CDH23: variants seen among roughly 807,000 people sequenced by gnomAD.
CDH23 encodes cadherin-23.
CDH23 carries 189 observed loss-of-function variants against 317.1 expected under a neutral mutation model. The ratio of observed to expected loss-of-function variants is 0.60; its 90% CI spans 0.53 to 0.67. CDH23 has a LOEUF of 0.67. CDH23 is among the 30% of genes least tolerant of loss of function. The pLI is 0.00. For missense variants in CDH23, 4,401 were observed against 4,592.4 expected (o/e 0.96, Z 1.20); for synonymous variants, 1,839 against 1,876.8 (o/e 0.98, Z 0.52).
rs572327882 is a variant in CDH23 at position 71,815,464 on chromosome 10, T to C, written c.*186T>C. 9.9e-5 allele frequency: 52 copies of C among 525,408 alleles called. No homozygotes were observed. In the South Asian group the frequency reaches 1.7e-3, roughly 17 times the overall value. The allele number at this position is 525,408 out of a possible 1,614,324, so 32.5% of individuals were successfully genotyped here. ...ACTTTTGCCAGACGCTCATTCAGCA[T>C]CTGACCTCTACCTTCATAAGATCTG... On this transcript the variant is annotated 3_prime_UTR_variant, in exon 70 of 70. Transcript: ENST00000224721.
At position 71,567,300 on chromosome 10, in the gene CDH23, T is replaced by A. The variant is rs1463437055; in HGVS notation, c.624+364T>A. Among the ~76,000 whole-genome samples, 4 of 152,338 alleles carry A rather than the reference T, an allele frequency of 2.6e-5. No individual in the cohort carries two copies. In the East Asian group the frequency reaches 7.7e-4, roughly 29 times the overall value. On this transcript the variant is annotated intron_variant, in intron 7 of 69. Coordinates refer to ENST00000224721, the MANE Select transcript of CDH23 (RefSeq NM_022124.6). The stretch of plus-strand genomic sequence containing the variant: ...TCGGGTAACTTCCTTGAGACATTCT[T>A]AGTGCAGAGTGCCTCTTGCTCTCTG...
chr10:71,449,249 G>A (rs1206315069), intron 3 of CDH23, among the ~76,000 whole-genome samples: 1 of 152,190 alleles, frequency 6.6e-6, no homozygotes, highest in Non-Finnish European at 1.5e-5. Flanking sequence ...AGTGGCAAGA[G>A]GCAGAGCCCA....
At chr10:71,411,133 T>C (rs1848327864) in intron 1 of CDH23, among the ~76,000 whole-genome samples, 1 of 152,222 alleles carries the variant, frequency 6.6e-6, no homozygotes, top group Non-Finnish European at 1.5e-5. Context: ...CATTTACATA[T>C]ACATTTTAGA....
chr10:71,456,538 G>C (rs531254692), intron 3 of CDH23, among the ~76,000 whole-genome samples: 1 of 152,078 alleles, frequency 6.6e-6, no homozygotes, highest in African/African-American at 2.4e-5. Flanking sequence ...TGTGGGTATG[G>C]GGCGGGGCTG....
In CDH23 at chr10:71,807,312, T is replaced by C; in HGVS notation, c.8214T>C (p.Pro2738=). Residue 2738 remains proline (P), a synonymous_variant, in exon 58 of 70, where the codon CCT becomes CCC. Coordinates refer to ENST00000224721, the MANE Select transcript of CDH23 (RefSeq NM_022124.6). ...GSPQYQLLTV[P]EHSPRGTLVG... is the part of the protein sequence containing the mutation. ...CCCAGTACCAGCTGCTGACAGTGCC[T>C]GAGCACTCACCACGCGGCACCCTCG... 3 of 1,613,910 alleles carry C rather than the reference T, an allele frequency of 1.9e-6. No individual in the cohort carries two copies. Among genetic ancestry groups the C allele is most frequent in the Admixed American group, 3.3e-5 (2 of 60,014 alleles).
intron 3 of CDH23, among the ~76,000 whole-genome samples, chr10:71,504,381 T>C (rs1383387607): frequency 1.3e-5 from 2 of 152,226 alleles, no homozygotes; most frequent in Non-Finnish European, 2.9e-5. Context: ...GTAGCATGTG[T>C]CAGAATTTCC....
intron 11 of CDH23, among the ~76,000 whole-genome samples, chr10:71,625,421 A>C (rs4746088): frequency 0.21 from 19,510 of 91,310 alleles, 3,206 homozygotes; most frequent in East Asian, 0.5. Flanking sequence ...AAAAAAAAAA[A>C]AAATGACAAG....
At chr10:71,777,989 C>A in intron 39 of CDH23, 88 bp downstream of exon 39, 1 of 1,495,942 alleles carries the variant, frequency 6.7e-7, no homozygotes, top group Non-Finnish European at 9.2e-7. Flanking sequence ...GGGGATGGAG[C>A]AAAGATGCAG....
In CDH23 at chr10:71,739,676, G is replaced by A. The variant is rs770421619; in HGVS notation, c.4392G>A (p.Ala1464=). 1.4e-5 allele frequency: 23 copies of A among 1,612,942 alleles called. No homozygotes were observed. Among genetic ancestry groups the A allele is most frequent in the African/African-American group, 6.7e-5 (5 of 74,880 alleles). Residue 1464 remains alanine, a synonymous_variant, in exon 36 of 70, where the codon GCG becomes GCA. Transcript: ENST00000224721. Reference sequence around the variant, plus strand: ...TCTCCCTGGCCTCTGGCAACATCGCGGGGGCCTTTGAGATCGTCACCACCA... The same window carrying A: ...TCTCCCTGGCCTCTGGCAACATCGCAGGGGCCTTTGAGATCGTCACCACCA... ...VVFSLASGNI[A]GAFEIVTTND...
intron 14 of CDH23, among the ~76,000 whole-genome samples, chr10:71,648,575 GGGA>G (rs1304607096): frequency 3.9e-5 from 6 of 152,202 alleles, no homozygotes; most frequent in African/African-American, 1.2e-4. Context: ...CTATAGAGCC[GGGA>G]GGAGATGTGA....
chr10:71,738,914 A>T (rs949679480), intron 35 of CDH23, among the ~76,000 whole-genome samples: 5 of 152,228 alleles, frequency 3.3e-5, no homozygotes, highest in Non-Finnish European at 5.9e-5. Flanking sequence ...TTTTCCGGGT[A>T]ACTCCTTCCC....
chr10:71,755,291 G>T, intron 38 of CDH23: 1 of 1,397,346 alleles, frequency 7.2e-7, no homozygotes, highest in Non-Finnish European at 9.9e-7. Context: ...GAATCCCAGG[G>T]GCTGAACTGG....
intron 6 of CDH23, among the ~76,000 whole-genome samples, chr10:71,538,175 G>T (rs1314087563): frequency 6.6e-6 from 1 of 152,168 alleles, no homozygotes; most frequent in Non-Finnish European, 1.5e-5. Context: ...ACGTTGCTCA[G>T]GAAGAACAAC....
At chr10:71,790,921 G>T in intron 46 of CDH23, 3 of 596,164 alleles carry the variant, frequency 5.0e-6, no homozygotes, top group Non-Finnish European at 9.0e-6. Flanking sequence ...CTGCAGAGGG[G>T]ACAACCACAG....
intron 7 of CDH23, among the ~76,000 whole-genome samples, chr10:71,567,977 G>A (rs1223797970): frequency 1.3e-5 from 2 of 152,248 alleles, no homozygotes; most frequent in Non-Finnish European, 1.5e-5. Context: ...GCGCTGGGGG[G>A]CTCTCCTTGG....
chr10:71,501,175 TC>T (rs1853310717), intron 3 of CDH23, among the ~76,000 whole-genome samples: 1 of 152,210 alleles, frequency 6.6e-6, no homozygotes, highest in African/African-American at 2.4e-5. Flanking sequence ...GGCCTGAGCC[TC>T]AGTTTTCCTA....
intron 1 of CDH23, 46 bp from the exon 2 acceptor site, chr10:71,439,781 C>A: frequency 1.4e-6 from 2 of 1,435,596 alleles, no homozygotes; most frequent in Non-Finnish European, 1.9e-6. Context: ...AGACCCTCTG[C>A]CACCCAGGAA....
chr10:71,725,305 G>A (rs1021805898), intron 29 of CDH23, 67 bp from the exon 30 acceptor site: 1 of 1,609,256 alleles, frequency 6.2e-7, no homozygotes, highest in Non-Finnish European at 8.5e-7. Context: ...CCCAACCATG[G>A]CAGGCCAGCA....
At chr10:71,487,819 C>T (rs772862610) in intron 3 of CDH23, among the ~76,000 whole-genome samples, 1 of 152,166 alleles carries the variant, frequency 6.6e-6, no homozygotes, top group African/African-American at 2.4e-5. Flanking sequence ...AGTCATCATC[C>T]TCAGGCCAGC....
Sources: gnomAD v4.1 joint callset for allele counts (sites outside exome capture counted in the v4.1 genomes callset) on GRCh38, gnomAD v4.1.1 for gene constraint, MANE v1.5 for transcripts, NCBI Gene and HGNC (gene_info 2026-07-23, HGNC 2026-07-21) for gene names.